THTPA: variants seen among roughly 807,000 people sequenced by gnomAD.
THTPA encodes thiamine-triphosphatase.
Under a neutral mutation model 16.5 loss-of-function variants are expected in THTPA, and 16 were observed. The observed-to-expected ratio is 0.97, with a 90% CI of 0.66 to 1.47. The LOEUF is 1.47. Ranked by LOEUF, THTPA falls within the 40% of genes most tolerant of loss-of-function variation. THTPA has a pLI of 0.00. For missense variants in THTPA, 281 were observed against 280.9 expected (o/e 1.00, Z 0.00); for synonymous variants, 110 against 115.5 (o/e 0.95, Z 0.30).
rs1010133548 is a variant in THTPA at position 23,556,815 on chromosome 14, G to C, written c.58G>C (p.Glu20Gln). 1.2e-6 allele frequency: 2 copies of C among 1,613,612 alleles called. No individual in the cohort carries two copies. Among genetic ancestry groups the C allele is most frequent in the Non-Finnish European group, 1.7e-6 (2 of 1,179,788 alleles). The change falls in exon 1 of 2, where the codon GAG (glutamate) becomes CAG (glutamine). Residue 20 changes from glutamate to glutamine, a missense_variant. Physicochemically the swap from Glu to Gln is conservative, Grantham distance 29 (BLOSUM62 2). Coordinates refer to ENST00000288014, the MANE Select transcript of THTPA (RefSeq NM_024328.6). ...RKFLPGPGTEERLQELGGTLE... is the reference protein window; with the variant it reads ...RKFLPGPGTEQRLQELGGTLE... The stretch of plus-strand genomic sequence containing the variant: ...GTTCCTTCCAGGGCCTGGCACAGAG[G>C]AGCGGCTGCAGGAGTTGGGGGGCAC...
At chr14:23,520,017 C>T in the THTPA span, among the ~76,000 whole-genome samples, 1 of 152,208 alleles carries the variant, frequency 6.6e-6, no homozygotes, top group Non-Finnish European at 1.5e-5. The surrounding 1 kb of genome is among the most constrained non-coding windows in gnomAD (Gnocchi z 8.7). Flanking sequence ...ACATGGACTT[C>T]TCTACCCCAC....
chr14:23,526,474 C>G, the THTPA span: 1 of 1,536,144 alleles, frequency 6.5e-7, no homozygotes, highest in Non-Finnish European at 8.7e-7. Flanking sequence ...CAGAGCGGAG[C>G]TCCCCAGTGG....
At position 23,557,021 on chromosome 14, in the gene THTPA, T is replaced by G. The variant is rs750201297; in HGVS notation, c.264T>G (p.Ile88Met). The change falls in exon 1 of 2, where the codon ATT (isoleucine) becomes ATG (methionine). Residue 88 changes from isoleucine (I) to methionine (M), a missense_variant. Transcript: ENST00000288014. Reference sequence around the variant, plus strand: ...AGGAACTCACAGCGGAACCTACAATTGTGGCCCAACTCTGTAAGGTGCTGC... The same window carrying G: ...AGGAACTCACAGCGGAACCTACAATGGTGGCCCAACTCTGTAAGGTGCTGC... ...EYKELTAEPT[I>M]VAQLCKVLRA... 3.7e-6 allele frequency: 6 copies of G among 1,614,084 alleles called. No homozygotes were observed. The African/African-American group carries it at 4.0e-5, about 11-fold the overall frequency.
the THTPA span, among the ~76,000 whole-genome samples, chr14:23,518,354 A>C: frequency 6.6e-6 from 1 of 152,230 alleles, no homozygotes; most frequent in African/African-American, 2.4e-5. This position sits in a 1 kb window ranked among gnomAD's most constrained non-coding sequence, Gnocchi z 4.5. Context: ...GGGTGCTATT[A>C]TGCCTGGAAT....
the THTPA span, chr14:23,524,633 G>C: frequency 6.5e-7 from 1 of 1,536,452 alleles, no homozygotes; most frequent in Non-Finnish European, 8.7e-7. The surrounding 1 kb of genome is among the most constrained non-coding windows in gnomAD (Gnocchi z 5.6). Context: ...CTGGTCACAG[G>C]TATGGGCTGG....
At chr14:23,542,529 A>AT in the THTPA span, among the ~76,000 whole-genome samples, 1 of 152,036 alleles carries the variant, frequency 6.6e-6, no homozygotes, top group Non-Finnish European at 1.5e-5. Flanking sequence ...GATCTATGTG[A>AT]TTTTATAGTA....
intron 1 of THTPA, 84 bp downstream of exon 1, chr14:23,557,388 G>C (rs1025331012): frequency 1.4e-6 from 2 of 1,399,728 alleles, no homozygotes; most frequent in African/African-American, 2.9e-5. Flanking sequence ...CAGTGGGGGA[G>C]GGCCTCCGGA....
the THTPA span, among the ~76,000 whole-genome samples, chr14:23,541,118 C>T: frequency 3.9e-5 from 6 of 151,946 alleles, no homozygotes; most frequent in African/African-American, 1.5e-4. Context: ...GTTGGCCAGG[C>T]TGGTCTCGAA....
chr14:23,520,305 T>C, the THTPA span, among the ~76,000 whole-genome samples: 2 of 149,908 alleles, frequency 1.3e-5, no homozygotes, highest in Admixed American at 6.6e-5. This position sits in a 1 kb window ranked among gnomAD's most constrained non-coding sequence, Gnocchi z 8.7. Context: ...TGGGCTGGAC[T>C]GGAGGGAGCA....
Position 23,558,792 on chromosome 14 carries a change from C to G in THTPA, c.645C>G (p.Ser215=). 2 of 1,614,210 alleles carry G rather than the reference C, an allele frequency of 1.2e-6. No homozygotes were observed. The highest frequency in any genetic ancestry group is 8.5e-7 in the Non-Finnish European group (1 of 1,180,032). ...AGCGCCTGCTAGAAGTGAACAGCTC[C>G]AGAGAGAGGCCACAGGAGACTGAAG... ...DYQRLLEVNS[S]RERPQETEDP... is the part of the protein sequence containing the mutation. The change falls in exon 2 of 2, where the codon TCC becomes TCG. Residue 215 remains serine, a synonymous_variant. Coordinates refer to ENST00000288014, the MANE Select transcript of THTPA (RefSeq NM_024328.6).
chr14:23,526,917 G>C, the THTPA span: 2 of 1,534,240 alleles, frequency 1.3e-6, no homozygotes, highest in East Asian at 4.9e-5. Flanking sequence ...TGTCCAGAGG[G>C]CTTAATGTGG....
At chr14:23,529,722 G>A in the THTPA span, 70 of 1,536,084 alleles carry the variant, frequency 4.6e-5, no homozygotes, top group Non-Finnish European at 6.0e-5. Flanking sequence ...TGGTCTGGTT[G>A]GCACTGTCTC....
chr14:23,533,130 C>T, the THTPA span: 36 of 1,473,194 alleles, frequency 2.4e-5, no homozygotes, highest in African/African-American at 5.6e-5. This position sits in a 1 kb window ranked among gnomAD's most constrained non-coding sequence, Gnocchi z 4.8. Flanking sequence ...AAATGGGGCA[C>T]GGTTGGTTCT....
chr14:23,537,655 G>A, the THTPA span, among the ~76,000 whole-genome samples: 3 of 152,150 alleles, frequency 2.0e-5, no homozygotes, highest in Admixed American at 2.0e-4. Context: ...GGAGGTCGGG[G>A]GAGTTGGAGA....
At chr14:23,535,073 A>C in the THTPA span, 1 of 1,536,202 alleles carries the variant, frequency 6.5e-7, no homozygotes, top group Non-Finnish European at 8.7e-7. This position sits in a 1 kb window ranked among gnomAD's most constrained non-coding sequence, Gnocchi z 4.5. Flanking sequence ...TTTGGTGGGA[A>C]GTGACCACAG....
chr14:23,554,787 C>T (rs1431811675), upstream of THTPA, among the ~76,000 whole-genome samples: 1 of 152,108 alleles, frequency 6.6e-6, no homozygotes, highest in African/African-American at 2.4e-5. Context: ...GTGTTGAGAA[C>T]ATGGCACTTC....
the THTPA span, chr14:23,526,860 T>G: frequency 6.5e-7 from 1 of 1,531,106 alleles, no homozygotes. Context: ...CTGCCTGGTC[T>G]CTGCTCGGTG....
chr14:23,529,857 CT>C, the THTPA span: 1 of 1,348,994 alleles, frequency 7.4e-7, no homozygotes, highest in Non-Finnish European at 1.0e-6. Context: ...GAGTTGGGCA[CT>C]AGAGAAAGGG....
At chr14:23,544,519 G>T in the THTPA span, among the ~76,000 whole-genome samples, 2 of 152,206 alleles carry the variant, frequency 1.3e-5, no homozygotes, top group African/African-American at 4.8e-5. Flanking sequence ...GAAGGTGCTT[G>T]TTCTCCCTGG....
Sources: gnomAD v4.1 joint callset for allele counts (sites outside exome capture counted in the v4.1 genomes callset) on GRCh38, gnomAD v4.1.1 for gene constraint, Gnocchi (gnomAD v3.1) non-coding constraint, MANE v1.5 for transcripts, NCBI Gene and HGNC (gene_info 2026-07-23, HGNC 2026-07-21) for gene names.